NEB: variants seen among roughly 807,000 people sequenced by gnomAD.
NEB encodes the protein nemaline myopathy type 2.
A neutral mutation model predicts 952.2 loss-of-function variants in NEB; 512 were observed. That is an observed-to-expected ratio of 0.54 (90% CI 0.50 to 0.58). The LOEUF (loss-of-function observed/expected upper bound fraction) is 0.58. Among genes scored for constraint, NEB ranks in the 20% least tolerant of loss-of-function variants. The pLI, the probability that NEB is intolerant of heterozygous loss-of-function variation, is 0.00. For missense variants in NEB, 8,428 were observed against 9,231.1 expected (o/e 0.91, Z 3.56); for synonymous variants, 2,900 against 3,149.8 (o/e 0.92, Z 2.66).
At position 151,595,017 on chromosome 2, in the gene NEB, T is replaced by C. The variant is rs1252732526; in HGVS notation, c.14206-699A>G. On this transcript the variant is annotated intron_variant, in intron 92 of 181. Coordinates refer to ENST00000397345, the MANE Select transcript of NEB (RefSeq NM_001164508.2). ...GGACTAGTGTAAGGTGGTTTCTGTT[T>C]CTTTCCTATGTTTGGATAACATAGG... 9.4e-5 allele frequency among the ~76,000 whole-genome samples: 3 copies of C among 32,066 alleles called. No homozygotes were observed. In the East Asian group the frequency reaches 1.5e-3, roughly 16 times the overall value. The allele number at this position is 32,066 out of a possible 152,430, so 21.0% of individuals were successfully genotyped here. A position where few individuals can be genotyped will look rare whatever the true frequency, so the allele number is the denominator to read the frequency against.
chr2:151,639,808 T>C, intron 62 of NEB, 49 bp downstream of exon 62: 1 of 1,463,624 alleles, frequency 6.8e-7, no homozygotes. Flanking sequence ...TCTTTTTTGT[T>C]GATTCAGCTT....
Position 151,525,948 on chromosome 2 carries a change from G to A in NEB, c.22161+10C>T. 1 of 1,606,028 alleles carries A rather than the reference G, an allele frequency of 6.2e-7. No homozygotes were observed. The highest frequency in any genetic ancestry group is 1.1e-5 in the South Asian group (1 of 90,912). On this transcript the variant is annotated intron_variant, in intron 150 of 181. Coordinates refer to ENST00000397345, the MANE Select transcript of NEB (RefSeq NM_001164508.2). ...TGTTGCTGCCAAGAGACCGGTGGTT[G>A]ATCACTTACATCACTGACATGCTTG...
At chr2:151,535,616 C>T in intron 142 of NEB, 75 bp downstream of exon 142, 3 of 900,784 alleles carry the variant, frequency 3.3e-6, no homozygotes, top group Non-Finnish European at 5.1e-6. Context: ...GTGTATTGGG[C>T]TTTAATTTAA....
intron 155 of NEB, 47 bp downstream of exon 155, chr2:151,518,918 C>T (rs1444785818): frequency 1.5e-6 from 2 of 1,345,550 alleles, no homozygotes; most frequent in Admixed American, 3.4e-5. Context: ...GAATTTAGTT[C>T]CAAATGGGTA....
In NEB at chr2:151,607,143, C is replaced by T. The variant is rs371598031; in HGVS notation, c.12639+361G>A. On this transcript the variant is annotated intron_variant, in intron 83 of 181. Transcript: ENST00000397345. The stretch of plus-strand genomic sequence containing the variant: ...ATAGATATCATACCTAGCCCGCCAT[C>T]TGGATGTAAATAGAAATGGTCTTTT... 5.0e-4 allele frequency among the ~76,000 whole-genome samples: 52 copies of T among 103,558 alleles called. 7 individuals are homozygous for T. Among genetic ancestry groups the T allele is most frequent in the African/African-American group, 9.7e-4 (38 of 39,100 alleles). 67.9% of individuals were successfully genotyped at this position (103,558 alleles called of 152,430 possible).
At chr2:151,656,923 T>C (rs562632547) in intron 48 of NEB, among the ~76,000 whole-genome samples, 1 of 152,172 alleles carries the variant, frequency 6.6e-6, no homozygotes, top group Non-Finnish European at 1.5e-5. Flanking sequence ...CATTTACTGA[T>C]GAGAAAAGTT....
At position 151,541,574 on chromosome 2, in the gene NEB, C is replaced by T. The variant is rs770886720; in HGVS notation, c.20578-23G>A. 20 of 1,580,120 alleles carry T rather than the reference C, an allele frequency of 1.3e-5. No homozygotes were observed. In the South Asian group the frequency reaches 1.8e-4, roughly 14 times the overall value. ...CAGCTAGACATAAACCAAGTTATCA[C>T]CATCATTTCTGTTTCATGGGCATGT... On this transcript the variant is annotated intron_variant, in intron 135 of 181. Coordinates refer to ENST00000397345, the MANE Select transcript of NEB (RefSeq NM_001164508.2).
intron 84 of NEB, among the ~76,000 whole-genome samples, chr2:151,605,705 T>C (rs1248076363): frequency 1.0e-5 from 1 of 100,224 alleles, no homozygotes; most frequent in African/African-American, 2.8e-5. Flanking sequence ...ACTGGCTACA[T>C]GATGAAAATC....
At chr2:151,578,167 A>G (rs1259373763) in intron 105 of NEB, among the ~76,000 whole-genome samples, 1 of 152,202 alleles carries the variant, frequency 6.6e-6, no homozygotes, top group Non-Finnish European at 1.5e-5. Flanking sequence ...CTATACAGGA[A>G]ATAAATAACC....
At chr2:151,716,001 T>A (rs1256401515) in intron 10 of NEB, 2 of 262,028 alleles carry the variant, frequency 7.6e-6, no homozygotes, top group Non-Finnish European at 1.5e-5. Context: ...TAAAATAGAC[T>A]TTAAATAAAC....
At chr2:151,663,238 T>C (rs1386948755) in intron 45 of NEB, among the ~76,000 whole-genome samples, 1 of 152,202 alleles carries the variant, frequency 6.6e-6, no homozygotes, top group Non-Finnish European at 1.5e-5. Context: ...AAGCCTATTA[T>C]GCTTTTGACC....
chr2:151,567,560 A>C, intron 113 of NEB, 81 bp from the exon 114 acceptor site: 1 of 1,329,262 alleles, frequency 7.5e-7, no homozygotes, highest in Non-Finnish European at 1.0e-6. Context: ...ACTAAGGGAT[A>C]TCAGCAAATT....
intron 18 of NEB, 109 bp downstream of exon 18, chr2:151,695,468 GT>G: frequency 1.3e-6 from 1 of 779,804 alleles, no homozygotes; most frequent in Non-Finnish European, 2.1e-6. Flanking sequence ...AATGTTAACA[GT>G]TCTTCTCATT....
At chr2:151,726,294 T>A (rs900735829) in intron 5 of NEB, among the ~76,000 whole-genome samples, 1 of 152,218 alleles carries the variant, frequency 6.6e-6, no homozygotes, top group African/African-American at 2.4e-5. Flanking sequence ...CAAAAAATTC[T>A]ATCCTTGCTG....
chr2:151,708,372 T>C (rs2099727390), intron 12 of NEB, among the ~76,000 whole-genome samples: 1 of 152,196 alleles, frequency 6.6e-6, no homozygotes. Flanking sequence ...CTCCACCAAA[T>C]TGCTCTTGTT....
Position 151,567,980 on chromosome 2 carries a change from T to C in NEB, c.17844+91A>G, listed in dbSNP as rs1354561743. 5 of 949,006 alleles carry C rather than the reference T, an allele frequency of 5.3e-6. No individual in the cohort carries two copies. The African/African-American group carries it at 6.5e-5, about 12-fold the overall frequency. The allele number at this position is 949,006 out of a possible 1,614,324, so 58.8% of individuals were successfully genotyped here. A position where few individuals can be genotyped will look rare whatever the true frequency, so the allele number is the denominator to read the frequency against. On this transcript the variant is annotated intron_variant, in intron 113 of 181. Coordinates refer to ENST00000397345, the MANE Select transcript of NEB (RefSeq NM_001164508.2). ...GTCTGCCACACTGAAACTGAACACCTGGAAGGTGCTATCTCTGCCTTTGGC... is the reference window on the plus strand; with the variant it reads ...GTCTGCCACACTGAAACTGAACACCCGGAAGGTGCTATCTCTGCCTTTGGC...
chr2:151,527,417 A>G (rs1576331825), intron 147 of NEB, 64 bp downstream of exon 147: 1 of 1,178,000 alleles, frequency 8.5e-7, no homozygotes. Context: ...ATTATAAATA[A>G]TTATTCATTG....
intron 3 of NEB, among the ~76,000 whole-genome samples, chr2:151,731,300 T>C (rs6760384): frequency 0.68 from 103,901 of 152,072 alleles, 38,876 homozygotes; most frequent in Non-Finnish European, 0.83. Context: ...TTTAGAGCTG[T>C]GCCACTAATT....
At chr2:151,620,347 G>GTATATA (rs71000481) in intron 72 of NEB, among the ~76,000 whole-genome samples, 1,077 of 47,880 alleles carry the variant, frequency 0.022, 21 homozygotes, top group African/African-American at 0.025. Context: ...GTATGTGTGT[G>GTATATA]TATATATATA....
Sources: gnomAD v4.1 joint callset for allele counts (sites outside exome capture counted in the v4.1 genomes callset) on GRCh38, gnomAD v4.1.1 for gene constraint, MANE v1.5 for transcripts, NCBI Gene and HGNC (gene_info 2026-07-23, HGNC 2026-07-21) for gene names.